SDK1: variants seen among roughly 807,000 people sequenced by gnomAD.
SDK1 encodes protein sidekick-1.
In SDK1, 157 loss-of-function variants were observed where a neutral mutation model predicts 245.5. That is an observed-to-expected ratio of 0.64 (90% CI 0.56 to 0.73). SDK1 has a LOEUF of 0.73. Ranked by LOEUF, SDK1 falls within the 30% of genes least tolerant of loss-of-function variation. The pLI is 0.00. For synonymous variants in SDK1, 1,647 were observed against 1,278.5 expected (o/e 1.29, Z -6.15); for missense variants, 3,583 against 3,002.3 (o/e 1.19, Z -4.52).
chr7:4,081,365 C>A (rs1308391980), intron 22 of SDK1, among the ~76,000 whole-genome samples: 2 of 152,038 alleles, frequency 1.3e-5, no homozygotes, highest in Non-Finnish European at 2.9e-5. Flanking sequence ...ATGTGGGGAC[C>A]CTCACCACAG....
intron 1 of SDK1, among the ~76,000 whole-genome samples, chr7:3,527,923 G>C (rs1429893360): frequency 6.7e-6 from 1 of 149,846 alleles, no homozygotes; most frequent in Admixed American, 6.7e-5. Flanking sequence ...GGCCAGCTAG[G>C]GGGTGAATGG....
chr7:3,380,413 G>C (rs1781457233), intron 1 of SDK1, among the ~76,000 whole-genome samples: 1 of 152,210 alleles, frequency 6.6e-6, no homozygotes, highest in African/African-American at 2.4e-5. Flanking sequence ...AGCGTTTTAA[G>C]AGTTACAGAA....
In SDK1 at chr7:4,127,467, G is replaced by A; in HGVS notation, c.3910G>A (p.Asp1304Asn). ...GACATGGACATCCGTGCCGGAACAGGACCAGAATGGGCTCATACTGGGCTA... is the reference window on the plus strand; with the variant it reads ...GACATGGACATCCGTGCCGGAACAGAACCAGAATGGGCTCATACTGGGCTA... ...LLTWTSVPEQDQNGLILGYKI... is the reference protein window; with the variant it reads ...LLTWTSVPEQNQNGLILGYKI... Residue 1304 changes from aspartate (D) to asparagine (N), a missense_variant, in exon 26 of 45, where the codon GAC becomes AAC. By Grantham distance (23) the Asp-to-Asn change is conservative. Coordinates refer to ENST00000404826, the MANE Select transcript of SDK1 (RefSeq NM_152744.4). 2 of 1,614,122 alleles carry A rather than the reference G, an allele frequency of 1.2e-6. No homozygotes were observed. Among genetic ancestry groups the A allele is most frequent in the Non-Finnish European group, 1.7e-6 (2 of 1,179,952 alleles).
At chr7:4,172,251 C>G (rs1474547374) in intron 32 of SDK1, among the ~76,000 whole-genome samples, 1 of 152,218 alleles carries the variant, frequency 6.6e-6, no homozygotes, top group African/African-American at 2.4e-5. Flanking sequence ...GCTGCTTGAG[C>G]TAATGTGGTA....
chr7:3,694,029 C>T (rs1784506734), intron 4 of SDK1, among the ~76,000 whole-genome samples: 1 of 152,128 alleles, frequency 6.6e-6, no homozygotes, highest in Admixed American at 6.5e-5. Flanking sequence ...TTGTTTGTAT[C>T]TTTCTTGGGA....
intron 1 of SDK1, among the ~76,000 whole-genome samples, chr7:3,506,692 A>G (rs1381866423): frequency 6.6e-6 from 1 of 152,020 alleles, no homozygotes; most frequent in Non-Finnish European, 1.5e-5. Context: ...CTTGTGTTGT[A>G]TTCAGATTCA....
intron 1 of SDK1, among the ~76,000 whole-genome samples, chr7:3,367,660 T>G (rs12056172): frequency 6.6e-6 from 1 of 152,116 alleles, no homozygotes; most frequent in East Asian, 1.9e-4. Flanking sequence ...GTCAGCTGAG[T>G]TGGAGTCTAG....
intron 1 of SDK1, among the ~76,000 whole-genome samples, chr7:3,536,719 A>G (rs1294963140): frequency 1.3e-5 from 2 of 152,024 alleles, no homozygotes; most frequent in African/African-American, 4.8e-5. Flanking sequence ...AACAAAAAAC[A>G]AACCTATGCA....
At chr7:3,941,692 C>T (rs552584142) in intron 5 of SDK1, among the ~76,000 whole-genome samples, 4 of 152,258 alleles carry the variant, frequency 2.6e-5, no homozygotes, top group Admixed American at 6.5e-5. Flanking sequence ...TTCGTAGCTC[C>T]GCCACAATGT....
intron 30 of SDK1, among the ~76,000 whole-genome samples, chr7:4,155,989 C>G (rs1009502665): frequency 6.6e-6 from 1 of 152,198 alleles, no homozygotes; most frequent in Non-Finnish European, 1.5e-5. Flanking sequence ...ATAGGAACAG[C>G]TGATCCTTAG....
At chr7:3,486,397 G>A (rs1055074585) in intron 1 of SDK1, among the ~76,000 whole-genome samples, 2 of 151,664 alleles carry the variant, frequency 1.3e-5, no homozygotes, top group Non-Finnish European at 2.9e-5. Context: ...TTTTTGTTTG[G>A]TTTTCTAATT....
chr7:3,907,695 A>C (rs1451558763), intron 5 of SDK1, among the ~76,000 whole-genome samples: 2 of 152,262 alleles, frequency 1.3e-5, no homozygotes, highest in Non-Finnish European at 2.9e-5. Context: ...TACCAAAATG[A>C]AATAAATCAC....
At chr7:3,365,250 A>G (rs930285574) in intron 1 of SDK1, among the ~76,000 whole-genome samples, 3 of 152,142 alleles carry the variant, frequency 2.0e-5, no homozygotes, top group Admixed American at 1.3e-4. Context: ...ATGTGTCTCA[A>G]TTGTATTCAT....
chr7:3,510,338 G>T (rs1358425235), intron 1 of SDK1, among the ~76,000 whole-genome samples: 1 of 152,126 alleles, frequency 6.6e-6, no homozygotes, highest in African/African-American at 2.4e-5. Flanking sequence ...ACGTTCTGCT[G>T]TCACAGTAGG....
intron 4 of SDK1, among the ~76,000 whole-genome samples, chr7:3,650,753 C>G (rs1335670177): frequency 6.6e-6 from 1 of 152,044 alleles, no homozygotes; most frequent in Non-Finnish European, 1.5e-5. Context: ...ATCTGCTTTT[C>G]CTTTCTAAAG....
chr7:3,866,059 CAG>C (rs926563670), intron 5 of SDK1, among the ~76,000 whole-genome samples: 8 of 152,160 alleles, frequency 5.3e-5, no homozygotes, highest in African/African-American at 1.9e-4. Flanking sequence ...TGACAGAATA[CAG>C]AATAAAACAT....
intron 4 of SDK1, among the ~76,000 whole-genome samples, chr7:3,798,726 C>T (rs767881437): frequency 2.0e-5 from 3 of 152,136 alleles, no homozygotes; most frequent in African/African-American, 4.8e-5. Flanking sequence ...TTCTTAGAAG[C>T]AAGTCTCTTA....
At chr7:3,512,483 A>G (rs557883043) in intron 1 of SDK1, among the ~76,000 whole-genome samples, 1 of 152,310 alleles carries the variant, frequency 6.6e-6, no homozygotes, top group African/African-American at 2.4e-5. Context: ...GTGAATACCA[A>G]GGAGTGTGGA....
intron 1 of SDK1, among the ~76,000 whole-genome samples, chr7:3,580,317 G>A (rs552800918): frequency 6.6e-6 from 1 of 152,208 alleles, no homozygotes; most frequent in African/African-American, 2.4e-5. Flanking sequence ...GGAACCAAAA[G>A]AGAGCCTGAA....
Sources: gnomAD v4.1 joint callset for allele counts (sites outside exome capture counted in the v4.1 genomes callset) on GRCh38, gnomAD v4.1.1 for gene constraint, MANE v1.5 for transcripts, NCBI Gene and HGNC (gene_info 2026-07-23, HGNC 2026-07-21) for gene names.